The following ANKRD30BL variants were observed in gnomAD, a reference collection of about 807,000 sequenced individuals.
The protein encoded by ANKRD30BL is putative ankyrin repeat domain-containing protein 30B-like.
ANKRD30BL carries 20 observed loss-of-function variants against 18.4 expected under a neutral mutation model. That is an observed-to-expected ratio of 1.09 (90% CI 0.77 to 1.58). The LOEUF (loss-of-function observed/expected upper bound fraction) is 1.58. Among genes scored for constraint, ANKRD30BL ranks in the 40% most tolerant of loss-of-function variants. The pLI is 0.00. For missense variants in ANKRD30BL, 224 were observed against 268.6 expected (o/e 0.83, Z 1.16); for synonymous variants, 72 against 100.9 (o/e 0.71, Z 1.72).
chr2:132,181,135 C>T (rs1450993633), intron 1 of ANKRD30BL, among the ~76,000 whole-genome samples: 1 of 151,542 alleles, frequency 6.6e-6, no homozygotes, highest in Non-Finnish European at 1.5e-5. Flanking sequence ...CAGAGCAAGA[C>T]TCCGTCTCAA....
chr2:132,235,111 G>GA (rs1356151100), intron 1 of ANKRD30BL, among the ~76,000 whole-genome samples: 1 of 152,130 alleles, frequency 6.6e-6, no homozygotes, highest in Non-Finnish European at 1.5e-5. Context: ...AATAGATGCA[G>GA]AAAAAGCCTT....
intron 1 of ANKRD30BL, among the ~76,000 whole-genome samples, chr2:132,257,307 G>C (rs1680884453): frequency 6.6e-6 from 1 of 152,242 alleles, no homozygotes; most frequent in African/African-American, 2.4e-5. Flanking sequence ...CTCTGCAGGG[G>C]AGCGGGCAGA....
intron 1 of ANKRD30BL, among the ~76,000 whole-genome samples, chr2:132,232,851 C>T (rs1265741569): frequency 6.6e-6 from 1 of 151,958 alleles, no homozygotes; most frequent in Non-Finnish European, 1.5e-5. Context: ...AAAGATACTC[C>T]TCGAGAAGAG....
At chr2:132,255,084 C>G (rs1212985146) in intron 1 of ANKRD30BL, among the ~76,000 whole-genome samples, 3 of 152,168 alleles carry the variant, frequency 2.0e-5, no homozygotes, top group Admixed American at 1.3e-4. Flanking sequence ...AGCTGCCCAG[C>G]GGGTCATGGG....
At chr2:132,155,302 A>C (rs1687872020) in intron 3 of ANKRD30BL, 1 of 152,180 alleles carries the variant, frequency 6.6e-6, no homozygotes, top group Non-Finnish European at 1.5e-5. Context: ...CTTATTTGAC[A>C]GTATATTTTT....
At chr2:132,156,515 G>A (rs1366916084) in intron 3 of ANKRD30BL, 1 of 152,152 alleles carries the variant, frequency 6.6e-6, no homozygotes, top group Admixed American at 6.6e-5. Context: ...TAGCAAACTG[G>A]AAACATATGC....
rs558383647 is a variant in ANKRD30BL, at chr2:132,175,233, C to T, written n.442-18087G>A. On this transcript the variant is annotated intron_variant and non_coding_transcript_variant, in intron 1 of 4. Coordinates refer to the ANKRD30BL transcript ENST00000470729. ...TTTCATTATCTCAGCAAGAGGAATG[C>T]AGTAGGAGAGCAGGGTGATAATAGG... 1.2e-3 allele frequency among the ~76,000 whole-genome samples: 180 copies of T among 151,646 alleles called. 1 individual carries two copies. Among genetic ancestry groups the T allele is most frequent in the African/African-American group, 3.6e-3 (147 of 41,200 alleles).
At chr2:132,233,773 T>C (rs1171491764) in intron 1 of ANKRD30BL, among the ~76,000 whole-genome samples, 13 of 147,750 alleles carry the variant, frequency 8.8e-5, no homozygotes, top group Middle Eastern at 3.5e-3. Context: ...ATTAGACAGA[T>C]CAACGAGACA....
chr2:132,183,201 G>A (rs1013285861), intron 1 of ANKRD30BL, among the ~76,000 whole-genome samples: 5 of 149,774 alleles, frequency 3.3e-5, no homozygotes, highest in Admixed American at 2.7e-4. Context: ...CACAAATCTC[G>A]GCTCGTTGTG....
At chr2:132,222,832 T>TAAAAAAAAAAAAAAAA (rs71001178) in intron 1 of ANKRD30BL, among the ~76,000 whole-genome samples, 6 of 52,808 alleles carry the variant, frequency 1.1e-4, no homozygotes, top group African/African-American at 2.1e-4. Context: ...GAATGATCAA[T>TAAAAAAAAAAAAAAAA]AAAAAAAAAA....
intron 1 of ANKRD30BL, among the ~76,000 whole-genome samples, chr2:132,205,976 T>C (rs1679204922): frequency 6.6e-6 from 1 of 151,946 alleles, no homozygotes; most frequent in African/African-American, 2.4e-5. Flanking sequence ...CTGGCCAAGA[T>C]GTGAAACCCC....
intron 1 of ANKRD30BL, among the ~76,000 whole-genome samples, chr2:132,247,261 T>A (rs796424787): frequency 6.6e-6 from 1 of 151,992 alleles, no homozygotes; most frequent in African/African-American, 2.4e-5. Context: ...TCTCTTTTTG[T>A]AGTATCTGGA....
intron 1 of ANKRD30BL, among the ~76,000 whole-genome samples, chr2:132,197,085 T>C (rs1396438672): frequency 8.6e-4 from 131 of 152,384 alleles, no homozygotes; most frequent in African/African-American, 3.0e-3. Flanking sequence ...GACGTTTCCA[T>C]TCTAATGGTA....
chr2:132,249,694 G>A (rs76074466), intron 1 of ANKRD30BL, among the ~76,000 whole-genome samples: 4 of 151,720 alleles, frequency 2.6e-5, no homozygotes, highest in Admixed American at 6.6e-5. Flanking sequence ...TCCCTTTGCC[G>A]ATTCTACAAA....
intron 1 of ANKRD30BL, among the ~76,000 whole-genome samples, chr2:132,209,076 T>C (rs1269844869): frequency 1.3e-5 from 2 of 151,928 alleles, no homozygotes; most frequent in Admixed American, 6.6e-5. Flanking sequence ...TCTCACAGAG[T>C]TGAATGTTCT....
At chr2:132,163,740 A>G (rs573618670), upstream of ANKRD30BL, among the ~76,000 whole-genome samples, 1 of 152,222 alleles carries the variant, frequency 6.6e-6, no homozygotes, top group Admixed American at 6.5e-5. Flanking sequence ...GAGGGTGGGA[A>G]TGGATGCTCA....
chr2:132,181,334 C>T (rs553372005), intron 1 of ANKRD30BL, among the ~76,000 whole-genome samples: 4 of 151,452 alleles, frequency 2.6e-5, no homozygotes, highest in Admixed American at 6.6e-5. Context: ...ATTGGCTGGG[C>T]GTGGTGGTGG....
At chr2:132,250,521 C>T (rs552210584) in intron 1 of ANKRD30BL, among the ~76,000 whole-genome samples, 70 of 152,184 alleles carry the variant, frequency 4.6e-4, no homozygotes, top group Non-Finnish European at 7.4e-4. Context: ...CATGTAGAGC[C>T]GAAAATGTGA....
chr2:132,257,220 C>T (rs1465454415), intron 1 of ANKRD30BL: 2 of 408,180 alleles, frequency 4.9e-6, no homozygotes, highest in Non-Finnish European at 9.7e-6. Context: ...CCGGCATGCC[C>T]CCCACTTGGG....
Sources: gnomAD v4.1 joint callset for allele counts (sites outside exome capture counted in the v4.1 genomes callset) on GRCh38, gnomAD v4.1.1 for gene constraint, MANE v1.5 for transcripts, NCBI Gene and HGNC (gene_info 2026-07-23, HGNC 2026-07-21) for gene names.